The following HOXA3 variants were observed in gnomAD, a reference collection of about 807,000 sequenced individuals.
The protein encoded by HOXA3 is homeobox A3, also known as homeobox protein Hox-A3.
HOXA3 carries 8 observed loss-of-function variants against 30.3 expected under a neutral mutation model. That is an observed-to-expected ratio of 0.26 (90% CI 0.15 to 0.48). HOXA3 has a LOEUF of 0.48. Among genes scored for constraint, HOXA3 ranks in the 20% least tolerant of loss-of-function variants. The pLI, the probability that HOXA3 is intolerant of heterozygous loss-of-function variation, is 0.99. For missense variants in HOXA3, 653 were observed against 614.4 expected (o/e 1.06, Z -0.66); for synonymous variants, 323 against 273.1 (o/e 1.18, Z -1.80).
chr7:27,110,719 G>C lies in HOXA3; in HGVS notation c.-79C>G. On this transcript the variant is annotated 5_prime_UTR_variant, in exon 5 of 6. Transcript: ENST00000612286. ...AGGGCGCACATTGGCACGCCCCCGC[G>C]GTCACGTGACACTCCGCCGCCAATG... 2 of 1,574,764 alleles carry C rather than the reference G, an allele frequency of 1.3e-6. No homozygotes were observed. The highest frequency in any genetic ancestry group is 3.4e-5 in the Admixed American group (2 of 59,208).
intron 2 of HOXA3, among the ~76,000 whole-genome samples, chr7:27,133,385 A>G (rs1785620570): frequency 6.6e-6 from 1 of 152,204 alleles, no homozygotes; most frequent in Non-Finnish European, 1.5e-5. Flanking sequence ...TTAATAAACA[A>G]ACTGAAGTTT....
chr7:27,130,526 T>G lies in HOXA3; in HGVS notation c.-389-3456A>C, dbSNP rs6944345. 0.97 allele frequency: 1,303,605 copies of G among 1,350,112 alleles called. 629,619 individuals are homozygous for G. The highest frequency in any genetic ancestry group is 1 in the East Asian group (30,583 of 30,660). 83.6% of individuals were successfully genotyped at this position (1,350,112 alleles called of 1,614,324 possible). A position where few individuals can be genotyped will look rare whatever the true frequency, so the allele number is the denominator to read the frequency against. ...GTCCGCGGCGCGTAGTAGGAGGCAGTGGGCTCTCGGCCGCCGCCCGCGTGA... is the reference window on the plus strand; with the variant it reads ...GTCCGCGGCGCGTAGTAGGAGGCAGGGGGCTCTCGGCCGCCGCCCGCGTGA... On this transcript the variant is annotated intron_variant, in intron 2 of 5. Coordinates refer to ENST00000612286, the MANE Select transcript of HOXA3 (RefSeq NM_153631.3).
At chr7:27,150,095 T>C (rs1010582059) in intron 1 of HOXA3, 1 of 152,208 alleles carries the variant, frequency 6.6e-6, no homozygotes, top group Non-Finnish European at 1.5e-5. Flanking sequence ...GAAAAACATA[T>C]ATTACATTGG....
rs893852012 is a variant in HOXA3, at chr7:27,140,148, T to G, written c.-455A>C. 6.6e-6 allele frequency: 1 copy of G among 152,156 alleles called. No individual in the cohort carries two copies. The highest frequency in any genetic ancestry group is 1.5e-5 in the Non-Finnish European group (1 of 68,030). 9.4% of individuals were successfully genotyped at this position (152,156 alleles called of 1,614,324 possible). Reference sequence around the variant, plus strand: ...CTTGTGGTTTGGACACTTCTGGACCTAAAATTGACAGTTTGAATGGCCAGG... The same window carrying G: ...CTTGTGGTTTGGACACTTCTGGACCGAAAATTGACAGTTTGAATGGCCAGG... On this transcript the variant is annotated 5_prime_UTR_variant, in exon 2 of 6. Coordinates refer to ENST00000612286, the MANE Select transcript of HOXA3 (RefSeq NM_153631.3).
chr7:27,109,561 T>C (rs1040407270), intron 5 of HOXA3, among the ~76,000 whole-genome samples: 1 of 152,214 alleles, frequency 6.6e-6, no homozygotes, highest in Admixed American at 6.5e-5. Flanking sequence ...GGATGATAAG[T>C]CTGCATCCCC....
At chr7:27,119,510 T>C (rs1270759595) in intron 4 of HOXA3, 1 of 152,238 alleles carries the variant, frequency 6.6e-6, no homozygotes, top group Admixed American at 6.5e-5. Context: ...AATTTCAACA[T>C]TGTACCGTTT....
chr7:27,114,744 T>TATACACACACACACAC (rs146995564), intron 4 of HOXA3, among the ~76,000 whole-genome samples: 2 of 93,444 alleles, frequency 2.1e-5, no homozygotes, highest in South Asian at 4.1e-4. Flanking sequence ...ACCGACATCA[T>TATACACACACACACAC]ACACACACAC....
intron 1 of HOXA3, chr7:27,145,353 C>G (rs1271631919): frequency 2.4e-6 from 1 of 422,634 alleles, no homozygotes; most frequent in Non-Finnish European, 4.2e-6. Context: ...AGGGCGCACC[C>G]CAGAACTCCG....
Position 27,147,198 on chromosome 7 carries a change from C to T in HOXA3, c.-494+5090G>A, listed in dbSNP as rs1010480724. 3.5e-6 allele frequency: 4 copies of T among 1,127,606 alleles called. No homozygotes were observed. The Admixed American group carries it at 7.6e-5, about 21-fold the overall frequency. The allele number at this position is 1,127,606 out of a possible 1,614,324, so 69.9% of individuals were successfully genotyped here. A position where few individuals can be genotyped will look rare whatever the true frequency, so the allele number is the denominator to read the frequency against. The stretch of plus-strand genomic sequence containing the variant: ...AGAAGCCAAAGAAACTTTGCTGGTT[C>T]TTTCATCCTTTCTTTCTCTCTATTC... On this transcript the variant is annotated intron_variant, in intron 1 of 5. Transcript: ENST00000612286.
intron 3 of HOXA3, chr7:27,123,103 C>T (rs1047913115): frequency 2.0e-5 from 3 of 152,226 alleles, no homozygotes; most frequent in African/African-American, 7.2e-5. Flanking sequence ...CATTCAATCA[C>T]GGACTCTCCT....
chr7:27,137,435 C>T (rs17471965), intron 2 of HOXA3, among the ~76,000 whole-genome samples: 2,960 of 152,272 alleles, frequency 0.019, 90 homozygotes, highest in African/African-American at 0.067. Flanking sequence ...AGCACAGACA[C>T]GCACTTCTGC....
chr7:27,123,499 G>GGAGA (rs1312329924), intron 3 of HOXA3: 3 of 152,972 alleles, frequency 2.0e-5, no homozygotes, highest in Non-Finnish European at 4.4e-5. Context: ...TCTGGGAGTG[G>GGAGA]GAGATGATGG....
At chr7:27,114,841 ATATAATATAT>A (rs1488516303) in intron 4 of HOXA3, among the ~76,000 whole-genome samples, 1 of 103,458 alleles carries the variant, frequency 9.7e-6, no homozygotes, top group Non-Finnish European at 2.0e-5. Context: ...TATATTATAT[ATATAATATAT>A]ATTATATATA....
chr7:27,134,330 TAC>T (rs749195980), intron 2 of HOXA3: 6 of 152,212 alleles, frequency 3.9e-5, no homozygotes, highest in Non-Finnish European at 8.8e-5. Flanking sequence ...ATATTGGGAT[TAC>T]ACATGAATTT....
Position 27,140,161 on chromosome 7 carries a change from T to C in HOXA3, c.-468A>G, listed in dbSNP as rs1468666660. 6.6e-6 allele frequency: 1 copy of C among 152,078 alleles called. No homozygotes were observed. Among genetic ancestry groups the C allele is most frequent in the Non-Finnish European group, 1.5e-5 (1 of 68,018 alleles). 9.4% of individuals were successfully genotyped at this position (152,078 alleles called of 1,614,324 possible). On this transcript the variant is annotated 5_prime_UTR_variant, in exon 2 of 6. Coordinates refer to ENST00000612286, the MANE Select transcript of HOXA3 (RefSeq NM_153631.3). ...CACTTCTGGACCTAAAATTGACAGT[T>C]TGAATGGCCAGGCGGCACACGTAGC...
At chr7:27,142,926 G>A (rs1338795663) in intron 1 of HOXA3, 2 of 930,122 alleles carry the variant, frequency 2.2e-6, no homozygotes, top group African/African-American at 3.5e-5. Context: ...GGCAAGGAGA[G>A]CTCCGCAGGG....
At chr7:27,148,822 T>A (rs1405742442) in intron 1 of HOXA3, among the ~76,000 whole-genome samples, 1 of 152,214 alleles carries the variant, frequency 6.6e-6, no homozygotes, top group Non-Finnish European at 1.5e-5. Flanking sequence ...AATCTCTCTG[T>A]CCACATTCCA....
chr7:27,148,736 C>G (rs1782873597), intron 1 of HOXA3, among the ~76,000 whole-genome samples: 1 of 152,266 alleles, frequency 6.6e-6, no homozygotes, highest in South Asian at 2.1e-4. Context: ...GACCTGCTCC[C>G]CTGCCTAGCG....
intron 3 of HOXA3, chr7:27,123,420 C>T (rs1430996300): frequency 6.5e-6 from 1 of 152,752 alleles, no homozygotes. Context: ...CAAATCTCGT[C>T]CCTCACAGTA....
Sources: allele counts gnomAD v4.1 joint callset (sites outside exome capture counted in the v4.1 genomes callset), GRCh38; gene constraint gnomAD v4.1.1; transcripts MANE v1.5; gene names NCBI Gene and HGNC (gene_info 2026-07-23, HGNC 2026-07-21).